CCDC3: variants seen among roughly 807,000 people sequenced by gnomAD.
The protein encoded by CCDC3 is coiled-coil domain-containing protein 3.
CCDC3 carries 24 observed loss-of-function variants against 21.4 expected under a neutral mutation model. The ratio of observed to expected loss-of-function variants is 1.12; its 90% CI spans 0.81 to 1.58. The LOEUF (loss-of-function observed/expected upper bound fraction) is 1.58, where lower values mean the gene tolerates loss of function less well. Ranked by LOEUF, CCDC3 falls within the 40% of genes most tolerant of loss-of-function variation. CCDC3 has a pLI of 0.00. For synonymous variants in CCDC3, 186 were observed against 166.0 expected, an observed-to-expected ratio of 1.12 and a Z score of -0.93; for missense variants, 425 against 360.9, an observed-to-expected ratio of 1.18 and a Z score of -1.44.
chr10:12,936,672 T>G (rs1373966022), intron 2 of CCDC3, among the ~76,000 whole-genome samples: 3 of 152,250 alleles, frequency 2.0e-5, no homozygotes, highest in Non-Finnish European at 4.4e-5. Flanking sequence ...GGCTTACGCC[T>G]GTAATCCCAG....
intron 2 of CCDC3, among the ~76,000 whole-genome samples, chr10:12,928,710 G>C (rs1834587287): frequency 1.3e-5 from 2 of 152,230 alleles, no homozygotes; most frequent in Non-Finnish European, 2.9e-5. Flanking sequence ...TTTGCACACA[G>C]AAGCCCCTGG....
At chr10:12,933,796 C>T (rs1030392637) in intron 2 of CCDC3, among the ~76,000 whole-genome samples, 2 of 152,050 alleles carry the variant, frequency 1.3e-5, no homozygotes, top group Non-Finnish European at 2.9e-5. Context: ...TCCATGGGAT[C>T]TGTAGTGATG....
chr10:12,949,160 G>A (rs1009869371), intron 2 of CCDC3, among the ~76,000 whole-genome samples: 5 of 152,174 alleles, frequency 3.3e-5, no homozygotes, highest in African/African-American at 1.2e-4. Context: ...AACTGCCAGT[G>A]TTCCCCTTGT....
intron 4 of CCDC3, among the ~76,000 whole-genome samples, chr10:13,072,242 A>C (rs1836892410): frequency 6.6e-6 from 1 of 152,132 alleles, no homozygotes. Flanking sequence ...GCCTCGGACG[A>C]TGGCCTTTTC....
intron 2 of CCDC3, among the ~76,000 whole-genome samples, chr10:12,964,162 C>T (rs750885177): frequency 1.3e-5 from 2 of 151,930 alleles, no homozygotes; most frequent in Admixed American, 6.6e-5. Flanking sequence ...CACTTGAGGT[C>T]GGGAGTTCGA....
At chr10:13,023,907 G>C (rs1317961105) in intron 5 of CCDC3, among the ~76,000 whole-genome samples, 3 of 152,106 alleles carry the variant, frequency 2.0e-5, no homozygotes, top group Non-Finnish European at 2.9e-5. Context: ...GGCAAGCATA[G>C]GAAACCTGCA....
Position 12,921,647 on chromosome 10 carries a change from A to G in CCDC3, c.550-22968T>C, listed in dbSNP as rs142649964. Among the ~76,000 whole-genome samples the G allele has an allele frequency of 2.0e-4, 30 of 152,320 alleles. 1 individual carries two copies. The East Asian group carries it at 5.4e-3, about 27-fold the overall frequency. On this transcript the variant is annotated intron_variant, in intron 2 of 2. Coordinates refer to ENST00000378825, the MANE Select transcript of CCDC3 (RefSeq NM_031455.4). Reference sequence around the variant, plus strand: ...TTAAGTACAATTACATTGTTGTGCAACCAGTCTCTGGCACTATTTATCTTG... The same window carrying G: ...TTAAGTACAATTACATTGTTGTGCAGCCAGTCTCTGGCACTATTTATCTTG...
intron 2 of CCDC3, among the ~76,000 whole-genome samples, chr10:12,982,819 A>ACCAT (rs910720405): frequency 6.6e-5 from 8 of 121,136 alleles, no homozygotes; most frequent in South Asian, 2.7e-4. Flanking sequence ...AAAAAAAAAA[A>ACCAT]CCATACCTCT....
intron 5 of CCDC3, among the ~76,000 whole-genome samples, chr10:13,042,923 A>G (rs56340003): frequency 4.4e-4 from 56 of 127,920 alleles, no homozygotes; most frequent in African/African-American, 5.5e-4. Context: ...AAAAAAAAAA[A>G]AAAAGAAAAG....
At chr10:13,081,163 TA>T (rs35141816) in intron 3 of CCDC3, among the ~76,000 whole-genome samples, 55,330 of 128,404 alleles carry the variant, frequency 0.43, 10,947 homozygotes, top group Middle Eastern at 0.51. Context: ...AACTATAAAG[TA>T]AAAAAAAAAA....
chr10:12,898,465 G>C lies in CCDC3; in HGVS notation c.764C>G (p.Pro255Arg), dbSNP rs1367245593. 5.0e-6 allele frequency: 8 copies of C among 1,612,314 alleles called. No homozygotes were observed. Among genetic ancestry groups the C allele is most frequent in the East Asian group, 4.5e-5 (2 of 44,858 alleles). The part of the protein sequence containing the change: ...LSEKLAAGAL[P>R]HINARGPVRP... ...CACGGGCCCCCGGGCATTGATGTGCGGCAGCGCGCCCGCCGCCAGCTTCTC... is the reference window on the plus strand; with the variant it reads ...CACGGGCCCCCGGGCATTGATGTGCCGCAGCGCGCCCGCCGCCAGCTTCTC... The change falls in exon 3 of 3, where the codon CCG becomes CGG. Residue 255 changes from proline to arginine, a missense_variant. By Grantham distance (103) the Pro-to-Arg change is moderately radical (BLOSUM62 -2). Coordinates refer to ENST00000378825, the MANE Select transcript of CCDC3 (RefSeq NM_031455.4).
chr10:13,078,153 A>G (rs1836988565), intron 3 of CCDC3, among the ~76,000 whole-genome samples: 1 of 152,246 alleles, frequency 6.6e-6, no homozygotes, highest in Non-Finnish European at 1.5e-5. Flanking sequence ...GAACTTAAAC[A>G]AATTTATAAG....
At position 13,088,501 on chromosome 10, in the gene CCDC3, T is replaced by C. The variant is rs181145600; in HGVS notation, c.-503+10024A>G. ...ACAAGTCTCCAAGGAGCATGAATCA[T>C]ATTGAGAAATAGGTTTTTGATCTTG... On this transcript the variant is annotated intron_variant, in intron 3 of 6. Transcript: ENST00000378839. Among the ~76,000 whole-genome samples the C allele has an allele frequency of 1.1e-3, 162 of 152,302 alleles. 1 individual carries two copies. Among genetic ancestry groups the C allele is most frequent in the African/African-American group, 3.7e-3 (153 of 41,570 alleles).
chr10:13,092,013 G>A (rs972356308), intron 3 of CCDC3, among the ~76,000 whole-genome samples: 1 of 152,146 alleles, frequency 6.6e-6, no homozygotes, highest in Non-Finnish European at 1.5e-5. Context: ...GCTGATGGTG[G>A]GAGGAGAGGG....
At chr10:12,913,967 C>A (rs2131207133) in intron 2 of CCDC3, among the ~76,000 whole-genome samples, 1 of 152,206 alleles carries the variant, frequency 6.6e-6, no homozygotes, top group Non-Finnish European at 1.5e-5. Context: ...TTTTAATGTG[C>A]TGTTGGATTC....
intron 2 of CCDC3, among the ~76,000 whole-genome samples, chr10:12,943,714 T>G (rs1037740917): frequency 2.2e-4 from 33 of 152,184 alleles, no homozygotes; most frequent in Non-Finnish European, 1.5e-5. Context: ...TTCTGGGCCC[T>G]ATGTAAATCA....
chr10:12,960,611 C>T (rs1477550860), intron 2 of CCDC3, among the ~76,000 whole-genome samples: 2 of 152,184 alleles, frequency 1.3e-5, no homozygotes, highest in Non-Finnish European at 2.9e-5. Flanking sequence ...TTTCCCACCA[C>T]AGTGACAAAT....
chr10:12,991,892 C>A (rs1424972199), intron 2 of CCDC3, among the ~76,000 whole-genome samples: 1 of 152,116 alleles, frequency 6.6e-6, no homozygotes. Flanking sequence ...TTATTATGGA[C>A]AAAGGCCTTG....
At chr10:12,966,160 G>A (rs1221080573) in intron 2 of CCDC3, among the ~76,000 whole-genome samples, 7 of 82,092 alleles carry the variant, frequency 8.5e-5, no homozygotes, top group Admixed American at 5.4e-4. Flanking sequence ...TCAGTTTCTC[G>A]TTTCTCAACC....
Sources: gnomAD v4.1 joint callset for allele counts (sites outside exome capture counted in the v4.1 genomes callset) on GRCh38, gnomAD v4.1.1 for gene constraint, MANE v1.5 for transcripts, NCBI Gene and HGNC (gene_info 2026-07-23, HGNC 2026-07-21) for gene names.